SGCD: variants seen among roughly 807,000 people sequenced by gnomAD.
SGCD encodes delta-sarcoglycan.
A neutral mutation model predicts 36.6 loss-of-function variants in SGCD; 18 were observed. The observed-to-expected ratio is 0.49, with a 90% CI of 0.34 to 0.73. The LOEUF (loss-of-function observed/expected upper bound fraction) is 0.73, where lower values mean the gene tolerates loss of function less well. SGCD is among the 30% of genes least tolerant of loss of function. The pLI, the probability that SGCD is intolerant of heterozygous loss-of-function variation, is 0.01. For missense variants in SGCD, 387 were observed against 346.7 expected, an observed-to-expected ratio of 1.12 and a Z score of -0.92; for synonymous variants, 133 against 130.6, an observed-to-expected ratio of 1.02 and a Z score of -0.12.
intron 3 of SGCD, among the ~76,000 whole-genome samples, chr5:156,372,072 G>A (rs749632883): frequency 8.5e-5 from 13 of 152,156 alleles, no homozygotes; most frequent in Non-Finnish European, 1.8e-4. Context: ...AAAAGCAGAG[G>A]TCTCAAGACA....
intron 3 of SGCD, among the ~76,000 whole-genome samples, chr5:156,204,303 G>A (rs1353100567): frequency 6.6e-6 from 1 of 152,002 alleles, no homozygotes. Flanking sequence ...TGATGGTTAT[G>A]GTGGTGACTT....
intron 3 of SGCD, among the ~76,000 whole-genome samples, chr5:156,440,655 G>A (rs576485336): frequency 4.6e-5 from 7 of 152,070 alleles, no homozygotes; most frequent in Non-Finnish European, 8.8e-5. Flanking sequence ...TGCCATCCTA[G>A]TGGGTGTGAA....
intron 6 of SGCD, among the ~76,000 whole-genome samples, chr5:156,622,435 A>AATAATAAT (rs1762285008): frequency 8.0e-5 from 11 of 137,086 alleles, no homozygotes; most frequent in African/African-American, 2.7e-4. Context: ...TCTGTCTAAA[A>AATAATAAT]AATAATAATA....
intron 3 of SGCD, among the ~76,000 whole-genome samples, chr5:156,199,276 G>C (rs772547269): frequency 1.3e-5 from 2 of 152,164 alleles, no homozygotes; most frequent in Non-Finnish European, 2.9e-5. Flanking sequence ...ACAGCAGCAA[G>C]TTGATGCCCA....
rs112325785 is a variant in SGCD, at chr5:156,235,360, G to A, written c.-43-94174G>A. Among the ~76,000 whole-genome samples the A allele has an allele frequency of 1.1e-3, 170 of 152,290 alleles. 1 individual carries two copies. The Middle Eastern group carries it at 0.017, about 15-fold the overall frequency. On this transcript the variant is annotated intron_variant, in intron 3 of 9. Transcript: ENST00000517913. ...ATCAGAGCAAGGATAAAGGAAATGAGCAAGCAAGGAACACAGTTTTCCTTT... is the reference window on the plus strand; with the variant it reads ...ATCAGAGCAAGGATAAAGGAAATGAACAAGCAAGGAACACAGTTTTCCTTT...
At chr5:156,022,275 A>G (rs1581046769) in intron 1 of SGCD, among the ~76,000 whole-genome samples, 2 of 152,288 alleles carry the variant, frequency 1.3e-5, no homozygotes, top group South Asian at 4.1e-4. Context: ...TTGTTGTTAT[A>G]TTGTGATTTC....
At chr5:156,216,011 A>G (rs1764562927) in intron 3 of SGCD, among the ~76,000 whole-genome samples, 2 of 152,238 alleles carry the variant, frequency 1.3e-5, no homozygotes, top group African/African-American at 4.8e-5. Flanking sequence ...CTTAAAAAAG[A>G]AATCCTGTCA....
At chr5:156,670,697 C>T (rs913744636) in intron 7 of SGCD, among the ~76,000 whole-genome samples, 1 of 152,032 alleles carries the variant, frequency 6.6e-6, no homozygotes, top group Admixed American at 6.6e-5. Flanking sequence ...TTATTTTTTC[C>T]TCAATCCAGA....
chr5:156,184,051 G>A (rs1379344055), intron 3 of SGCD, among the ~76,000 whole-genome samples: 1 of 152,164 alleles, frequency 6.6e-6, no homozygotes, highest in East Asian at 1.9e-4. Flanking sequence ...GTTTAGCCTA[G>A]CCTACTGTAA....
chr5:156,604,005 T>C (rs928961522), intron 6 of SGCD, among the ~76,000 whole-genome samples: 1 of 152,066 alleles, frequency 6.6e-6, no homozygotes, highest in Non-Finnish European at 1.5e-5. Flanking sequence ...TGAAGTCTTC[T>C]ACTATTACTG....
At chr5:156,350,790 G>T (rs1769212261) in intron 3 of SGCD, among the ~76,000 whole-genome samples, 1 of 152,086 alleles carries the variant, frequency 6.6e-6, no homozygotes, top group Non-Finnish European at 1.5e-5. Context: ...TGTCTCTTCT[G>T]TGCTACTCAC....
chr5:156,006,167 AC>A (rs1758757868), intron 1 of SGCD, among the ~76,000 whole-genome samples: 1 of 152,206 alleles, frequency 6.6e-6, no homozygotes, highest in Non-Finnish European at 1.5e-5. Flanking sequence ...ATTATATGAT[AC>A]TGTTGGAAAG....
the SGCD span, among the ~76,000 whole-genome samples, chr5:155,755,025 T>C: frequency 6.6e-6 from 1 of 152,172 alleles, no homozygotes. Context: ...CTGCCACCTC[T>C]GAACTGTGAT....
intron 2 of SGCD, among the ~76,000 whole-genome samples, chr5:156,334,092 G>T (rs1176318759): frequency 6.6e-6 from 1 of 151,946 alleles, no homozygotes; most frequent in East Asian, 1.9e-4. Context: ...GTGTCACTCT[G>T]ATCTCAAGTG....
chr5:155,847,055 T>G, the SGCD span, among the ~76,000 whole-genome samples: 1 of 152,220 alleles, frequency 6.6e-6, no homozygotes, highest in African/African-American at 2.4e-5. Context: ...GTACCATTCT[T>G]AGTGAGAACT....
intron 1 of SGCD, among the ~76,000 whole-genome samples, chr5:155,941,186 A>G (rs764661565): frequency 1.2e-4 from 19 of 152,280 alleles, no homozygotes; most frequent in South Asian, 2.1e-4. Context: ...GATAACTAAC[A>G]TACTCCCGTG....
chr5:156,352,893 T>G (rs985264021), intron 3 of SGCD, among the ~76,000 whole-genome samples: 6 of 152,170 alleles, frequency 3.9e-5, no homozygotes, highest in African/African-American at 1.4e-4. Context: ...CTGCTCTTCT[T>G]CAGTACACAA....
intron 3 of SGCD, among the ~76,000 whole-genome samples, chr5:156,454,401 C>T (rs1337652193): frequency 6.6e-6 from 1 of 152,036 alleles, no homozygotes; most frequent in Non-Finnish European, 1.5e-5. Context: ...CATAGTACCC[C>T]GGGGCTGTGA....
intron 1 of SGCD, among the ~76,000 whole-genome samples, chr5:155,947,883 G>A (rs894967992): frequency 1.3e-5 from 2 of 151,998 alleles, no homozygotes; most frequent in African/African-American, 4.8e-5. Context: ...CTATGAACTT[G>A]CGTAAGACAC....
Sources: gnomAD v4.1 joint callset for allele counts (sites outside exome capture counted in the v4.1 genomes callset) on GRCh38, gnomAD v4.1.1 for gene constraint, MANE v1.5 for transcripts, NCBI Gene and HGNC (gene_info 2026-07-23, HGNC 2026-07-21) for gene names.